Variants in SAMD12 observed in about 807,000 individuals in gnomAD.
SAMD12 encodes the protein sterile alpha motif domain containing 12.
SAMD12 carries 9 observed loss-of-function variants against 15.0 expected under a neutral mutation model. That is an observed-to-expected ratio of 0.60 (90% CI 0.36 to 1.05). The LOEUF (loss-of-function observed/expected upper bound fraction) is 1.05, where lower values mean the gene tolerates loss of function less well. Among genes scored for constraint, SAMD12 ranks in the 50% least tolerant of loss-of-function variants. SAMD12 has a pLI of 0.01. For synonymous variants in SAMD12, 86 were observed against 90.1 expected (o/e 0.96, Z 0.25); for missense variants, 230 against 234.2 (o/e 0.98, Z 0.12).
intron 2 of SAMD12, among the ~76,000 whole-genome samples, chr8:118,497,743 GAA>G (rs57075448): frequency 8.7e-6 from 1 of 115,122 alleles, no homozygotes; most frequent in African/African-American, 3.7e-5. Flanking sequence ...TGGGGGGAAA[GAA>G]AAAAAAAAAA....
intron 4 of SAMD12, among the ~76,000 whole-genome samples, chr8:118,233,398 G>C (rs112639817): frequency 1.2e-3 from 182 of 152,288 alleles, no homozygotes; most frequent in African/African-American, 4.2e-3. Flanking sequence ...GAATTCAAGA[G>C]TAATTGACAT....
chr8:118,277,551 G>A (rs1813504498), intron 4 of SAMD12, among the ~76,000 whole-genome samples: 1 of 145,212 alleles, frequency 6.9e-6, no homozygotes, highest in South Asian at 2.2e-4. Flanking sequence ...AGAGGAAAAA[G>A]TAATATATTT....
intron 4 of SAMD12, among the ~76,000 whole-genome samples, chr8:118,234,110 T>A (rs989693546): frequency 6.6e-6 from 1 of 152,156 alleles, no homozygotes; most frequent in Non-Finnish European, 1.5e-5. Context: ...AGAAAAACTA[T>A]GGCAAGGCAG....
At chr8:118,382,201 C>T (rs769082664) in intron 3 of SAMD12, among the ~76,000 whole-genome samples, 12 of 152,338 alleles carry the variant, frequency 7.9e-5, no homozygotes, top group South Asian at 2.1e-4. Flanking sequence ...TCCCTCCCAA[C>T]ATAAAAATGT....
At chr8:118,247,897 A>C (rs553249350) in intron 4 of SAMD12, among the ~76,000 whole-genome samples, 1 of 152,290 alleles carries the variant, frequency 6.6e-6, no homozygotes, top group East Asian at 1.9e-4. Context: ...TTAATCTTAT[A>C]AATTAAGACA....
At chr8:118,576,536 C>T (rs1456611628) in intron 2 of SAMD12, among the ~76,000 whole-genome samples, 1 of 152,154 alleles carries the variant, frequency 6.6e-6, no homozygotes, top group African/African-American at 2.4e-5. Context: ...CTTAGGGCTA[C>T]ATATTGGAAT....
intron 4 of SAMD12, among the ~76,000 whole-genome samples, chr8:118,335,413 T>C (rs571912105): frequency 6.6e-6 from 1 of 152,336 alleles, no homozygotes; most frequent in Non-Finnish European, 1.5e-5. Context: ...CCTCACTATT[T>C]AGGGGACTTG....
At chr8:118,607,247 T>C (rs1828006951) in intron 1 of SAMD12, among the ~76,000 whole-genome samples, 1 of 152,028 alleles carries the variant, frequency 6.6e-6, no homozygotes, top group Non-Finnish European at 1.5e-5. Flanking sequence ...TCCTTTTTTT[T>C]TTCTTGAGAC....
At chr8:118,171,097 C>T in the SAMD12 span, among the ~76,000 whole-genome samples, 4 of 152,194 alleles carry the variant, frequency 2.6e-5, no homozygotes, top group Non-Finnish European at 5.9e-5. Flanking sequence ...AGTCATTCTG[C>T]AAATGTAAAC....
intron 2 of SAMD12, among the ~76,000 whole-genome samples, chr8:118,450,348 G>T (rs1385943138): frequency 6.6e-6 from 1 of 152,186 alleles, no homozygotes; most frequent in Non-Finnish European, 1.5e-5. Flanking sequence ...AGAATGCACA[G>T]CCTGTCAAGA....
chr8:118,275,122 T>C (rs1813441946), intron 4 of SAMD12, among the ~76,000 whole-genome samples: 2 of 152,224 alleles, frequency 1.3e-5, no homozygotes, highest in African/African-American at 4.8e-5. Context: ...TTTATCAGGT[T>C]AAGGAAGTTC....
chr8:118,573,705 A>C (rs1418118284), intron 2 of SAMD12, among the ~76,000 whole-genome samples: 4 of 152,176 alleles, frequency 2.6e-5, no homozygotes, highest in Admixed American at 6.5e-5. Context: ...TGATATCATC[A>C]ACCATTCAAC....
chr8:118,244,115 C>T (rs893621544), intron 4 of SAMD12, among the ~76,000 whole-genome samples: 1 of 152,108 alleles, frequency 6.6e-6, no homozygotes, highest in Admixed American at 6.6e-5. Flanking sequence ...ATGACCACAT[C>T]ATGACTTTTT....
intron 4 of SAMD12, among the ~76,000 whole-genome samples, chr8:118,314,362 C>T (rs1815774864): frequency 6.6e-6 from 1 of 151,876 alleles, no homozygotes; most frequent in African/African-American, 2.4e-5. Context: ...CTGTGTGTAT[C>T]AAAATGAAGA....
intron 4 of SAMD12, chr8:118,291,183 T>C (rs1814343399): frequency 6.6e-6 from 1 of 152,234 alleles, no homozygotes; most frequent in East Asian, 1.9e-4. Context: ...CATGTTATCT[T>C]TATACATACA....
At chr8:118,304,613 A>T (rs1006622619) in intron 4 of SAMD12, among the ~76,000 whole-genome samples, 12 of 151,630 alleles carry the variant, frequency 7.9e-5, no homozygotes, top group African/African-American at 2.9e-4. Flanking sequence ...CAAAAAAATT[A>T]CCCGGGAGTG....
At chr8:118,286,907 A>G (rs959358213) in intron 4 of SAMD12, among the ~76,000 whole-genome samples, 1 of 152,224 alleles carries the variant, frequency 6.6e-6, no homozygotes, top group Non-Finnish European at 1.5e-5. Flanking sequence ...TGTTGACTAC[A>G]TCTAGGAAAG....
chr8:118,367,831 A>G (rs1403076125), intron 4 of SAMD12, among the ~76,000 whole-genome samples: 4 of 152,156 alleles, frequency 2.6e-5, no homozygotes, highest in Admixed American at 6.6e-5. Flanking sequence ...TAGAGGAACC[A>G]TTAGGGGCGC....
intron 3 of SAMD12, among the ~76,000 whole-genome samples, chr8:118,402,549 G>C (rs758735310): frequency 2.6e-5 from 4 of 152,236 alleles, no homozygotes; most frequent in Non-Finnish European, 4.4e-5. Context: ...TGGGGTCAAA[G>C]ACTGAAGGCT....
Sources: allele counts gnomAD v4.1 joint callset (sites outside exome capture counted in the v4.1 genomes callset), GRCh38; gene constraint gnomAD v4.1.1; transcripts MANE v1.5; gene names NCBI Gene and HGNC (gene_info 2026-07-23, HGNC 2026-07-21).